Variants in PARD3B observed in about 807,000 individuals in gnomAD.
PARD3B encodes partitioning defective 3 homolog B.
Under a neutral mutation model 130.2 loss-of-function variants are expected in PARD3B, and 103 were observed. The ratio of observed to expected loss-of-function variants is 0.79; its 90% CI spans 0.67 to 0.93. PARD3B has a LOEUF of 0.93. Among genes scored for constraint, PARD3B ranks in the 40% least tolerant of loss-of-function variants. The pLI is 0.00. For synonymous variants in PARD3B, 583 were observed against 553.2 expected, an observed-to-expected ratio of 1.05 and a Z score of -0.76; for missense variants, 1,609 against 1,499.2, an observed-to-expected ratio of 1.07 and a Z score of -1.21.
At chr2:204,757,107 G>T (rs77571604) in intron 2 of PARD3B, among the ~76,000 whole-genome samples, 2,012 of 152,180 alleles carry the variant, frequency 0.013, 50 homozygotes, top group African/African-American at 0.047. Context: ...TCTTTTTATG[G>T]CTGTGCAGTA....
rs575707285 is a variant in PARD3B, at chr2:205,241,343, G to A, written c.2141-4435G>A. Among the ~76,000 whole-genome samples, 16 of 152,166 alleles carry A rather than the reference G, an allele frequency of 1.1e-4. No homozygotes were observed. The highest frequency in any genetic ancestry group is 8.3e-4 in the South Asian group (4 of 4,826). ...AGAAATCCTATTATCTAAATAAATC[G>A]GAAGAAAGATCAAGAGGAGGCAGTC... On this transcript the variant is annotated intron_variant, in intron 15 of 22. Transcript: ENST00000406610. This position sits in a 1 kb window ranked among gnomAD's most constrained non-coding sequence, Gnocchi z 4.2.
intron 16 of PARD3B, among the ~76,000 whole-genome samples, chr2:205,277,040 C>T (rs1000518667): frequency 2.0e-5 from 3 of 152,182 alleles, no homozygotes; most frequent in African/African-American, 7.2e-5. Flanking sequence ...AACAGGGATA[C>T]AATTAAACAA....
At chr2:204,971,772 G>A (rs182393247) in intron 3 of PARD3B, among the ~76,000 whole-genome samples, 38 of 151,866 alleles carry the variant, frequency 2.5e-4, no homozygotes, top group Non-Finnish European at 4.7e-4. Context: ...CAGGACTAAG[G>A]AGGCTATAGT....
Position 205,253,355 on chromosome 2 carries a change from A to C in PARD3B, c.2185+7533A>C. The C allele has an allele frequency of 1.8e-6, 1 of 557,736 alleles. No individual in the cohort carries two copies. Among genetic ancestry groups the C allele is most frequent in the Admixed American group, 2.0e-5 (1 of 51,248 alleles). 34.5% of individuals were successfully genotyped at this position (557,736 alleles called of 1,614,324 possible). A position where few individuals can be genotyped will look rare whatever the true frequency, so the allele number is the denominator to read the frequency against. On this transcript the variant is annotated intron_variant, in intron 16 of 22. Coordinates refer to ENST00000406610, the MANE Select transcript of PARD3B (RefSeq NM_001302769.2). The surrounding 1 kb of genome is among the most constrained non-coding windows in gnomAD (Gnocchi z 4.4). ...TGGAACCGATGGAACTGATGGAGGA[A>C]ATGCTGGGACTGTGGGTCAGTGCTG... is the stretch of plus-strand genomic sequence containing the variant.
chr2:205,475,020 C>G (rs2048977209), intron 20 of PARD3B, among the ~76,000 whole-genome samples: 1 of 152,112 alleles, frequency 6.6e-6, no homozygotes, highest in Non-Finnish European at 1.5e-5. Flanking sequence ...CCTCCCTCAA[C>G]AAATCTATGT....
chr2:205,197,329 C>T (rs1228399725), intron 15 of PARD3B, among the ~76,000 whole-genome samples: 2 of 151,822 alleles, frequency 1.3e-5, no homozygotes, highest in Non-Finnish European at 2.9e-5. Flanking sequence ...TTAATAGATT[C>T]CCCAATATTA....
chr2:204,888,878 A>G lies in PARD3B; in HGVS notation c.223-76274A>G, dbSNP rs368976726. Among the ~76,000 whole-genome samples the G allele has an allele frequency of 7.9e-5, 12 of 152,304 alleles. No individual in the cohort carries two copies. In the East Asian group the frequency reaches 2.3e-3, roughly 29 times the overall value. Reference sequence around the variant, plus strand: ...ATAGGATAGGAGAGACTAACTAGGTATTTTATGAAACATAAGGCTGGTAAA... The same window carrying G: ...ATAGGATAGGAGAGACTAACTAGGTGTTTTATGAAACATAAGGCTGGTAAA... On this transcript the variant is annotated intron_variant, in intron 2 of 22. Transcript: ENST00000406610.
At chr2:205,529,914 T>C (rs2106426534) in intron 21 of PARD3B, among the ~76,000 whole-genome samples, 1 of 152,314 alleles carries the variant, frequency 6.6e-6, no homozygotes, top group East Asian at 1.9e-4. Context: ...GCCCGTGGGC[T>C]CTGGTGTGGA....
At chr2:204,756,612 A>C (rs2125399517) in intron 2 of PARD3B, among the ~76,000 whole-genome samples, 1 of 152,244 alleles carries the variant, frequency 6.6e-6, no homozygotes, top group Non-Finnish European at 1.5e-5. Flanking sequence ...GTCTCTCCAT[A>C]ATTCCCAGGT....
chr2:205,035,806 TATATATA>T (rs1349293591), intron 3 of PARD3B, among the ~76,000 whole-genome samples: 6 of 7,412 alleles, frequency 8.1e-4, no homozygotes, highest in Non-Finnish European at 2.1e-3. Flanking sequence ...CTCATATATA[TATATATA>T]TATATATCTA....
chr2:204,734,812 C>T lies in PARD3B; in HGVS notation c.222+48530C>T, dbSNP rs774827141. Among the ~76,000 whole-genome samples the T allele has an allele frequency of 3.7e-4, 57 of 152,098 alleles. 1 individual carries two copies. Among genetic ancestry groups the T allele is most frequent in the Middle Eastern group, 6.8e-3 (2 of 294 alleles). ...AGTGGAAGTGTTTCTGTATCTTCAT[C>T]GTGGTGATGGTCACACAACTCTATG... On this transcript the variant is annotated intron_variant, in intron 2 of 22. Coordinates refer to ENST00000406610, the MANE Select transcript of PARD3B (RefSeq NM_001302769.2).
chr2:204,971,620 G>T (rs1193301362), intron 3 of PARD3B, among the ~76,000 whole-genome samples: 3 of 146,884 alleles, frequency 2.0e-5, no homozygotes, highest in Non-Finnish European at 3.0e-5. Context: ...CTGGGAGTCT[G>T]TTTTTTTTTT....
In PARD3B at chr2:205,146,123, C is replaced by T. The variant is rs776710171; in HGVS notation, c.1435-12599C>T. On this transcript the variant is annotated intron_variant, in intron 10 of 22. Transcript: ENST00000406610. The surrounding 1 kb of genome is among the most constrained non-coding windows in gnomAD (Gnocchi z 4.3). The stretch of plus-strand genomic sequence containing the variant: ...TGGGTGCAAGTCTCATCTGTGGATA[C>T]AGCAGGCACCGTAGCCCATGTACTC... 6.6e-6 allele frequency among the ~76,000 whole-genome samples: 1 copy of T among 152,242 alleles called. No homozygotes were observed. Among genetic ancestry groups the T allele is most frequent in the Admixed American group, 6.5e-5 (1 of 15,286 alleles).
chr2:204,787,209 A>C (rs1325023737), intron 2 of PARD3B, among the ~76,000 whole-genome samples: 1 of 132,696 alleles, frequency 7.5e-6, no homozygotes, highest in East Asian at 2.3e-4. Flanking sequence ...CACCTGGGGC[A>C]TGTTTGACTT....
chr2:204,759,664 AG>A (rs1393615418), intron 2 of PARD3B, among the ~76,000 whole-genome samples: 1 of 152,110 alleles, frequency 6.6e-6, no homozygotes, highest in Non-Finnish European at 1.5e-5. Flanking sequence ...ATAAATTACT[AG>A]TGGGGAATTG....
At chr2:204,762,592 A>G (rs760288812) in intron 2 of PARD3B, among the ~76,000 whole-genome samples, 5 of 152,168 alleles carry the variant, frequency 3.3e-5, no homozygotes, top group South Asian at 4.1e-4. Context: ...AAAGGTGTCA[A>G]TTAAACAGTA....
chr2:204,721,317 G>C (rs1332227008), intron 2 of PARD3B, among the ~76,000 whole-genome samples: 1 of 152,074 alleles, frequency 6.6e-6, no homozygotes, highest in African/African-American at 2.4e-5. Flanking sequence ...TACATAAAAT[G>C]GGAACTACCT....
chr2:205,399,504 A>G (rs952697810), intron 18 of PARD3B, among the ~76,000 whole-genome samples: 18 of 150,866 alleles, frequency 1.2e-4, no homozygotes, highest in Non-Finnish European at 1.9e-4. Context: ...ACAGGCATGC[A>G]CCACGACGCC....
intron 1 of PARD3B, among the ~76,000 whole-genome samples, chr2:204,668,871 C>A (rs942532245): frequency 6.6e-6 from 1 of 152,096 alleles, no homozygotes; most frequent in Non-Finnish European, 1.5e-5. Context: ...AGTGTAATCA[C>A]AGGGGTCTTT....
Sources: allele counts gnomAD v4.1 joint callset (sites outside exome capture counted in the v4.1 genomes callset), GRCh38; gene constraint gnomAD v4.1.1; non-coding constraint Gnocchi (gnomAD v3.1); transcripts MANE v1.5; gene names NCBI Gene and HGNC (gene_info 2026-07-23, HGNC 2026-07-21).